ST3GAL5: variants seen among roughly 807,000 people sequenced by gnomAD.
The protein encoded by ST3GAL5 is ST3 beta-galactoside alpha-2,3-sialyltransferase 5, also known as lactosylceramide alpha-2,3-sialyltransferase.
In ST3GAL5, 25 loss-of-function variants were observed where a neutral mutation model predicts 46.1. The ratio of observed to expected loss-of-function variants is 0.54; its 90% confidence interval spans 0.40 to 0.76. The LOEUF (loss-of-function observed/expected upper bound fraction) is 0.76. Among genes scored for constraint, ST3GAL5 ranks in the 30% least tolerant of loss-of-function variants. ST3GAL5 has a pLI of 0.00. For missense variants in ST3GAL5, 431 were observed against 521.2 expected (o/e 0.83, Z 1.69); for synonymous variants, 182 against 192.7 (o/e 0.94, Z 0.46).
intron 1 of ST3GAL5, among the ~76,000 whole-genome samples, chr2:85,865,199 T>C (rs1317734735): frequency 1.3e-5 from 2 of 152,368 alleles, no homozygotes; most frequent in Non-Finnish European, 2.9e-5. Context: ...GTTACTATTA[T>C]AATAAATGCA....
At chr2:85,850,415 T>C (rs59500769) in intron 3 of ST3GAL5, 6,769 of 152,348 alleles carry the variant, frequency 0.044, 215 homozygotes, top group East Asian at 0.11. Flanking sequence ...AAATACGAAT[T>C]GGCATCTTCA....
chr2:85,871,678 G>A (rs1173628617), intron 1 of ST3GAL5, among the ~76,000 whole-genome samples: 3 of 152,142 alleles, frequency 2.0e-5, no homozygotes, highest in African/African-American at 7.2e-5. Context: ...GGACACACAT[G>A]GGTAGACACA....
At chr2:85,867,565 A>G in intron 1 of ST3GAL5, 1 of 780,842 alleles carries the variant, frequency 1.3e-6, no homozygotes, top group Non-Finnish European at 2.4e-6. Flanking sequence ...GAGGCTGACG[A>G]ATCCAGTTTC....
At chr2:85,867,341 T>G (rs1041724020) in intron 1 of ST3GAL5, among the ~76,000 whole-genome samples, 1 of 152,142 alleles carries the variant, frequency 6.6e-6, no homozygotes, top group South Asian at 2.1e-4. Flanking sequence ...TTTAATGAGA[T>G]CCTGGGACAT....
At chr2:85,864,123 G>C (rs989134765) in intron 1 of ST3GAL5, among the ~76,000 whole-genome samples, 1 of 152,156 alleles carries the variant, frequency 6.6e-6, no homozygotes, top group Non-Finnish European at 1.5e-5. Context: ...GCAACACGAA[G>C]GACTCTTGTG....
chr2:85,851,489 T>A (rs958376988), intron 3 of ST3GAL5: 35 of 1,279,222 alleles, frequency 2.7e-5, no homozygotes, highest in Non-Finnish European at 3.3e-5. Context: ...GAGGACCACA[T>A]GGGCCATGTC....
chr2:85,863,226 G>A, intron 2 of ST3GAL5, 136 bp downstream of exon 2: 1 of 1,528,628 alleles, frequency 6.5e-7, no homozygotes, highest in African/African-American at 1.4e-5. Context: ...ACGTGCCTTT[G>A]AATGTCTGAG....
chr2:85,853,032 C>T (rs780207683), intron 3 of ST3GAL5: 46 of 1,304,176 alleles, frequency 3.5e-5, no homozygotes, highest in South Asian at 8.6e-5. Flanking sequence ...GATGAAGAAG[C>T]GGCTGAGTCC....
intron 1 of ST3GAL5, chr2:85,867,939 T>C: frequency 2.6e-6 from 1 of 381,944 alleles, no homozygotes; most frequent in Non-Finnish European, 5.0e-6. Flanking sequence ...GTATAAGAGT[T>C]TGACTTCCCA....
intron 1 of ST3GAL5, among the ~76,000 whole-genome samples, chr2:85,879,052 G>C (rs1158291077): frequency 3.3e-5 from 5 of 152,206 alleles, no homozygotes; most frequent in African/African-American, 1.2e-4. Context: ...AAGGAACCAG[G>C]CTCTCTTATG....
chr2:85,871,781 G>A (rs1337240124), intron 1 of ST3GAL5, among the ~76,000 whole-genome samples: 1 of 152,184 alleles, frequency 6.6e-6, no homozygotes, highest in Non-Finnish European at 1.5e-5. Context: ...GGAACAAGAG[G>A]AGGGTATTTG....
At chr2:85,873,517 C>T (rs1686184100) in intron 1 of ST3GAL5, among the ~76,000 whole-genome samples, 1 of 152,044 alleles carries the variant, frequency 6.6e-6, no homozygotes, top group African/African-American at 2.4e-5. Flanking sequence ...ACTCTGGGCA[C>T]CACAGGCTCA....
chr2:85,885,746 A>G (rs1022153821), intron 1 of ST3GAL5, among the ~76,000 whole-genome samples: 2 of 151,210 alleles, frequency 1.3e-5, no homozygotes, highest in African/African-American at 2.4e-5. Context: ...AATGGCGTGA[A>G]CCCCGGAGGC....
intron 5 of ST3GAL5, chr2:85,845,084 T>C (rs1682622893): frequency 9.4e-6 from 2 of 212,666 alleles, no homozygotes; most frequent in Non-Finnish European, 1.9e-5. Context: ...CGTGAAAAGT[T>C]GAATACGTCC....
intron 1 of ST3GAL5, among the ~76,000 whole-genome samples, chr2:85,869,824 G>A (rs549559913): frequency 6.6e-6 from 1 of 152,196 alleles, no homozygotes; most frequent in Admixed American, 6.5e-5. Flanking sequence ...GATGACAGAG[G>A]CCCCTCCCTT....
At chr2:85,841,011 T>G (rs1682001086) in intron 6 of ST3GAL5, among the ~76,000 whole-genome samples, 1 of 143,642 alleles carries the variant, frequency 7.0e-6, no homozygotes, top group Admixed American at 7.0e-5. Flanking sequence ...TTCCTATATG[T>G]GATGCCCAGA....
rs144270260 is a variant in ST3GAL5 at position 85,848,133 on chromosome 2, C to T, written c.390G>A (p.Ala130=). 7.4e-4 allele frequency: 1,194 copies of T among 1,614,074 alleles called. 1 individual carries two copies. Among genetic ancestry groups the T allele is most frequent in the South Asian group, 6.9e-4 (63 of 91,084 alleles). Residue 130 remains alanine, a synonymous_variant, in exon 4 of 7, where the codon GCG becomes GCA. Transcript: ENST00000638572. ...CRPKFAKTSM[A]LLFEHRYSVD... ...CGCTATACCTGTGCTCAAATAACAG[C>T]GCCATTGATGTCTTGGCAAACTTGG...
chr2:85,852,946 T>C (rs1185916754), intron 3 of ST3GAL5: 1 of 1,304,232 alleles, frequency 7.7e-7, no homozygotes, highest in Non-Finnish European at 1.0e-6. Context: ...GTGCCTGGGC[T>C]CACTGAATGC....
chr2:85,881,077 C>T (rs920938741), intron 1 of ST3GAL5, among the ~76,000 whole-genome samples: 3 of 152,150 alleles, frequency 2.0e-5, no homozygotes, highest in Admixed American at 2.0e-4. Flanking sequence ...GTGCTATTCT[C>T]ATACTGAATA....
Sources: gnomAD v4.1 joint callset for allele counts (sites outside exome capture counted in the v4.1 genomes callset) on GRCh38, gnomAD v4.1.1 for gene constraint, MANE v1.5 for transcripts, NCBI Gene and HGNC (gene_info 2026-07-23, HGNC 2026-07-21) for gene names.